The following LAMA4 variants were observed in gnomAD, a reference collection of about 807,000 sequenced individuals.
LAMA4 encodes the protein laminin subunit alpha 4, also known as laminin subunit alpha-4.
Under a neutral mutation model 207.1 loss-of-function variants are expected in LAMA4, and 127 were observed. The observed-to-expected ratio is 0.61, with a 90% CI of 0.53 to 0.71. The LOEUF is 0.71. Among genes scored for constraint, LAMA4 ranks in the 30% least tolerant of loss-of-function variants. The pLI is 0.00. For synonymous variants in LAMA4, 761 were observed against 816.0 expected (o/e 0.93, Z 1.15); for missense variants, 2,093 against 2,246.5 (o/e 0.93, Z 1.38).
chr6:112,176,809 C>T (rs1554343939), intron 10 of LAMA4, among the ~76,000 whole-genome samples: 1 of 152,194 alleles, frequency 6.6e-6, no homozygotes, highest in Non-Finnish European at 1.5e-5. Context: ...AGACGATTCA[C>T]ACATTATTTT....
At chr6:112,205,323 A>G (rs145866072) in intron 4 of LAMA4, among the ~76,000 whole-genome samples, 13 of 152,286 alleles carry the variant, frequency 8.5e-5, no homozygotes, top group African/African-American at 2.6e-4. Context: ...CAGTCCTCAC[A>G]ACTCTATGAT....
chr6:112,163,823 C>G (rs1554339131), intron 13 of LAMA4, among the ~76,000 whole-genome samples: 1 of 152,074 alleles, frequency 6.6e-6, no homozygotes. Flanking sequence ...CGTTTGTACG[C>G]TGATGGTAAT....
At chr6:112,130,879 T>C (rs1778995816) in intron 29 of LAMA4, 89 bp downstream of exon 29, 8 of 1,394,744 alleles carry the variant, frequency 5.7e-6, no homozygotes, top group South Asian at 4.6e-5. Context: ...AGAAAAGTTA[T>C]AGGACAGCCT....
intron 2 of LAMA4, among the ~76,000 whole-genome samples, chr6:112,228,087 C>T (rs1219157005): frequency 1.3e-5 from 2 of 152,208 alleles, no homozygotes; most frequent in Non-Finnish European, 2.9e-5. Context: ...GACAGTCTTG[C>T]TTCCTTAGGG....
At chr6:112,239,545 T>C (rs531706778) in intron 2 of LAMA4, among the ~76,000 whole-genome samples, 1 of 152,120 alleles carries the variant, frequency 6.6e-6, no homozygotes, top group Non-Finnish European at 1.5e-5. Context: ...ATTCCCCCAT[T>C]CAGGTTACAA....
rs1406263796 is a variant in LAMA4 at position 112,148,349 on chromosome 6, C to G, written c.2174-13G>C. 9 of 1,613,900 alleles carry G rather than the reference C, an allele frequency of 5.6e-6. No individual in the cohort carries two copies. The African/African-American group carries it at 8.0e-5, about 14-fold the overall frequency. On this transcript the variant is annotated splice_polypyrimidine_tract_variant and intron_variant, in intron 17 of 38. Transcript: ENST00000230538. ...TGCTGGGCATCCCCTTTACACAGAGCACAGGGTCATTCACTTTGCAGAGAA... is the reference window on the plus strand; with the variant it reads ...TGCTGGGCATCCCCTTTACACAGAGGACAGGGTCATTCACTTTGCAGAGAA...
chr6:112,207,677 G>A (rs1437061452), intron 3 of LAMA4, among the ~76,000 whole-genome samples: 2 of 152,114 alleles, frequency 1.3e-5, no homozygotes, highest in Non-Finnish European at 2.9e-5. Context: ...TCATGGGTTG[G>A]TATCTTGGAT....
At chr6:112,158,912 AT>A in intron 13 of LAMA4, 32 bp from the exon 14 acceptor site, 1 of 1,448,088 alleles carries the variant, frequency 6.9e-7, no homozygotes, top group Non-Finnish European at 9.7e-7. Context: ...AATACATTGA[AT>A]TTAGAAGAAC....
At chr6:112,253,935 G>T in intron 2 of LAMA4, 21 bp downstream of exon 2, 3 of 1,607,684 alleles carry the variant, frequency 1.9e-6, no homozygotes, top group Non-Finnish European at 2.5e-6. Context: ...CAGCAGGGTG[G>T]CAATGGCAGG....
At chr6:112,180,295 C>T (rs948400999) in intron 9 of LAMA4, among the ~76,000 whole-genome samples, 9 of 152,084 alleles carry the variant, frequency 5.9e-5, no homozygotes, top group African/African-American at 1.2e-4. Flanking sequence ...CGCCAGAGGG[C>T]GCTAAGATAC....
chr6:112,120,410 T>C lies in LAMA4; in HGVS notation c.4538A>G (p.Asp1513Gly). The change falls in exon 33 of 39, where the codon GAT becomes GGT. Residue 1513 changes from aspartate (D) to glycine (G), a missense_variant. Asp to Gly is a moderately conservative substitution (Grantham distance 94, BLOSUM62 -1). This residue lies in a region of LAMA4 where 383 missense variants were observed against 437.8 expected (regional missense o/e 0.87). Transcript: ENST00000230538. Reference sequence around the variant, plus strand: ...AGTCATGAAGTCATTCTCTTCTTGATCTGAGACATAGAAGATCATGCCATG... The same window carrying C: ...AGTCATGAAGTCATTCTCTTCTTGACCTGAGACATAGAAGATCATGCCATG... ...SSHGMIFYVS[D>G]QEENDFMTLF... 6.2e-7 allele frequency: 1 copy of C among 1,613,890 alleles called. No individual in the cohort carries two copies. Among genetic ancestry groups the C allele is most frequent in the Non-Finnish European group, 8.5e-7 (1 of 1,179,816 alleles).
At chr6:112,246,509 T>A (rs1786938356) in intron 2 of LAMA4, among the ~76,000 whole-genome samples, 1 of 147,292 alleles carries the variant, frequency 6.8e-6, no homozygotes, top group Non-Finnish European at 1.5e-5. Flanking sequence ...ATCCTTGTCA[T>A]ATCAAAGCTG....
intron 2 of LAMA4, among the ~76,000 whole-genome samples, chr6:112,235,167 C>T (rs1372535476): frequency 6.6e-6 from 1 of 152,150 alleles, no homozygotes; most frequent in Admixed American, 6.5e-5. Flanking sequence ...GTGGGGCTGC[C>T]CCAAACCCCT....
At chr6:112,254,351 C>T in intron 1 of LAMA4, 60 bp from the exon 2 acceptor site, 6 of 631,456 alleles carry the variant, frequency 9.5e-6, no homozygotes, top group South Asian at 3.8e-5. Context: ...CTCTCCCTCT[C>T]TCTCTCTCCC....
intron 4 of LAMA4, among the ~76,000 whole-genome samples, chr6:112,202,355 C>G (rs577951726): frequency 1.3e-5 from 2 of 152,058 alleles, no homozygotes; most frequent in Non-Finnish European, 2.9e-5. Flanking sequence ...ACATAAGTCT[C>G]CTCACTATTA....
chr6:112,147,639 A>G (rs1241894480), intron 18 of LAMA4, among the ~76,000 whole-genome samples: 1 of 152,330 alleles, frequency 6.6e-6, no homozygotes, highest in Middle Eastern at 3.4e-3. Flanking sequence ...TTTCATTTCT[A>G]TAGAACTGTA....
intron 2 of LAMA4, among the ~76,000 whole-genome samples, chr6:112,235,276 G>A (rs139324176): frequency 7.2e-5 from 11 of 152,274 alleles, no homozygotes; most frequent in African/African-American, 2.2e-4. Context: ...AAGTTCTGTA[G>A]TTCTGCTGGG....
rs1322762181 is a variant in LAMA4, at chr6:112,190,932, TTTC to T, written c.718+701_718+703del. 1.2e-3 allele frequency among the ~76,000 whole-genome samples: 104 copies of T among 88,794 alleles called. 2 individuals carry two copies. Among genetic ancestry groups the T allele is most frequent in the African/African-American group, 3.2e-3 (70 of 21,942 alleles). The allele number at this position is 88,794 out of a possible 152,430, so 58.3% of individuals were successfully genotyped here. On this transcript the variant is annotated intron_variant, in intron 6 of 38. Transcript: ENST00000230538. ...CTTTCTTTCTTTCTTTCTTTCTTTC[TTTC>T]TTTCTTTCTTTCCTTTCTTTCTTTC...
chr6:112,113,245 T>C (rs587726889), intron 38 of LAMA4, among the ~76,000 whole-genome samples: 1 of 152,332 alleles, frequency 6.6e-6, no homozygotes, highest in East Asian at 1.9e-4. Flanking sequence ...ATTTGATCAT[T>C]ACACATTGTA....
Sources: allele counts gnomAD v4.1 joint callset (sites outside exome capture counted in the v4.1 genomes callset), GRCh38; gene constraint gnomAD v4.1.1; regional missense constraint gnomAD v4.1.1; transcripts MANE v1.5; gene names NCBI Gene and HGNC (gene_info 2026-07-23, HGNC 2026-07-21).